SNX24: variants seen among roughly 807,000 people sequenced by gnomAD.
SNX24 encodes the protein sorting nexin-24.
In SNX24, 22 loss-of-function variants were observed where a neutral mutation model predicts 28.7. That is an observed-to-expected ratio of 0.77 (90% CI 0.55 to 1.10). The LOEUF (loss-of-function observed/expected upper bound fraction) is 1.10. SNX24 is among the 50% of genes least tolerant of loss of function. The pLI is 0.00. For synonymous variants in SNX24, 69 were observed against 71.5 expected, an observed-to-expected ratio of 0.96 and a Z score of 0.18; for missense variants, 221 against 201.1, an observed-to-expected ratio of 1.10 and a Z score of -0.60.
chr5:123,017,419 TAA>T (rs1424189745), intron 5 of SNX24, among the ~76,000 whole-genome samples: 1 of 142,430 alleles, frequency 7.0e-6, no homozygotes, highest in African/African-American at 3.0e-5. Flanking sequence ...ATTCAGAAAA[TAA>T]AAAGTTGTTT....
chr5:122,989,004 G>A (rs576780104), intron 3 of SNX24, among the ~76,000 whole-genome samples: 2 of 152,032 alleles, frequency 1.3e-5, no homozygotes, highest in Admixed American at 1.3e-4. Flanking sequence ...CAGTACTAAA[G>A]CAGTAAATTA....
At chr5:122,873,438 T>G (rs1368086413) in intron 1 of SNX24, among the ~76,000 whole-genome samples, 1 of 152,118 alleles carries the variant, frequency 6.6e-6, no homozygotes, top group Non-Finnish European at 1.5e-5. Flanking sequence ...GCTCAGAGTT[T>G]ATGTGATTTG....
intron 1 of SNX24, among the ~76,000 whole-genome samples, chr5:122,915,054 C>T (rs1758100328): frequency 6.6e-6 from 1 of 152,092 alleles, no homozygotes; most frequent in African/African-American, 2.4e-5. Context: ...TTTCAGATTT[C>T]AGGGTTTTTT....
intron 1 of SNX24, among the ~76,000 whole-genome samples, chr5:122,855,499 G>A (rs1318191937): frequency 6.6e-6 from 1 of 152,196 alleles, no homozygotes; most frequent in African/African-American, 2.4e-5. Flanking sequence ...GGTTTCAGGT[G>A]TCTGGGCATG....
intron 1 of SNX24, among the ~76,000 whole-genome samples, chr5:122,846,448 T>TGTAC (rs1242536045): frequency 3.9e-5 from 6 of 152,240 alleles, no homozygotes; most frequent in Non-Finnish European, 8.8e-5. Flanking sequence ...TCTGAGTGTG[T>TGTAC]GTACACCTTG....
At chr5:123,013,522 G>C (rs1386263986), downstream of SNX24, among the ~76,000 whole-genome samples, 2 of 152,212 alleles carry the variant, frequency 1.3e-5, no homozygotes, top group Non-Finnish European at 2.9e-5. Context: ...TTTTCTGTCT[G>C]TGCAGATACA....
At chr5:122,870,701 C>T (rs1755931118) in intron 1 of SNX24, among the ~76,000 whole-genome samples, 1 of 152,144 alleles carries the variant, frequency 6.6e-6, no homozygotes, top group African/African-American at 2.4e-5. Context: ...TGCAGCATTT[C>T]TTGTAAGCGG....
chr5:122,977,559 C>T (rs1265709459), intron 3 of SNX24, among the ~76,000 whole-genome samples: 1 of 152,148 alleles, frequency 6.6e-6, no homozygotes, highest in East Asian at 1.9e-4. Context: ...GCAAACAATT[C>T]CCTTTAGAGC....
intron 3 of SNX24, 137 bp downstream of exon 3, chr5:122,946,296 A>G (rs948499217): frequency 3.0e-5 from 15 of 500,504 alleles, no homozygotes; most frequent in East Asian, 9.7e-5. Flanking sequence ...CCAAAATTAC[A>G]GATATGTTGT....
intron 1 of SNX24, among the ~76,000 whole-genome samples, chr5:122,931,083 G>A (rs1350553335): frequency 6.6e-6 from 1 of 152,138 alleles, no homozygotes; most frequent in Admixed American, 6.5e-5. Context: ...TTGGTTTGTA[G>A]CAGTATGTGT....
At chr5:122,936,908 A>G in intron 2 of SNX24, 91 bp downstream of exon 2, 1 of 671,072 alleles carries the variant, frequency 1.5e-6, no homozygotes, top group South Asian at 2.6e-5. Context: ...AAGACCATTG[A>G]TATTTCTTGT....
At chr5:122,941,930 A>G (rs1427570463) in intron 2 of SNX24, among the ~76,000 whole-genome samples, 1 of 152,132 alleles carries the variant, frequency 6.6e-6, no homozygotes, top group African/African-American at 2.4e-5. Context: ...TAGCCTTGTT[A>G]TGGCCCAGGC....
intron 3 of SNX24, among the ~76,000 whole-genome samples, chr5:122,951,183 C>T (rs1313968086): frequency 2.0e-5 from 3 of 146,874 alleles, no homozygotes; most frequent in African/African-American, 7.6e-5. Flanking sequence ...AGGAGAATGG[C>T]GTGAACCCGG....
chr5:122,848,598 A>G (rs982307703), intron 1 of SNX24, among the ~76,000 whole-genome samples: 1 of 151,514 alleles, frequency 6.6e-6, no homozygotes, highest in African/African-American at 2.4e-5. Flanking sequence ...AATCCCAGCT[A>G]CTTGGGAGGC....
intron 3 of SNX24, among the ~76,000 whole-genome samples, chr5:122,989,644 C>T (rs1761748752): frequency 6.6e-6 from 1 of 152,086 alleles, no homozygotes; most frequent in Non-Finnish European, 1.5e-5. Context: ...GCCACATACC[C>T]CAAGAAAATT....
intron 3 of SNX24, among the ~76,000 whole-genome samples, chr5:122,951,147 G>C (rs1759918996): frequency 6.6e-6 from 1 of 151,412 alleles, no homozygotes; most frequent in Non-Finnish European, 1.5e-5. Flanking sequence ...GGCACCTGTA[G>C]TCCCAGCTAC....
Position 122,894,556 on chromosome 5 carries a change from G to T in SNX24, c.61-42178G>T, listed in dbSNP as rs903224057. On this transcript the variant is annotated intron_variant, in intron 1 of 6. Transcript: ENST00000261369. ...TATCCAGTCAGTCTCCTTTGGATAG[G>T]CATTGGGGTTGTTTTTCAGCGTTTT... Among the ~76,000 whole-genome samples, 5 of 152,114 alleles carry T rather than the reference G, an allele frequency of 3.3e-5. No homozygotes were observed. In the East Asian group the frequency reaches 9.6e-4, roughly 29 times the overall value.
intron 1 of SNX24, among the ~76,000 whole-genome samples, chr5:122,864,861 T>C (rs1234928189): frequency 6.6e-6 from 1 of 152,358 alleles, no homozygotes; most frequent in East Asian, 1.9e-4. Flanking sequence ...ACAAAGGCAG[T>C]ATAGTCCCCA....
chr5:122,942,428 A>T (rs1759495927), intron 2 of SNX24, among the ~76,000 whole-genome samples: 1 of 152,198 alleles, frequency 6.6e-6, no homozygotes, highest in Admixed American at 6.5e-5. Context: ...ATACAGGGGG[A>T]AAGATGGGAT....
Sources: gnomAD v4.1 joint callset for allele counts (sites outside exome capture counted in the v4.1 genomes callset) on GRCh38, gnomAD v4.1.1 for gene constraint, MANE v1.5 for transcripts, NCBI Gene and HGNC (gene_info 2026-07-23, HGNC 2026-07-21) for gene names.